The following SEC23IP variants were observed in gnomAD, a reference collection of about 807,000 sequenced individuals.
SEC23IP encodes the protein SEC23-interacting protein.
In SEC23IP, 70 loss-of-function variants were observed where a neutral mutation model predicts 113.4. That is an observed-to-expected ratio of 0.62 (90% CI 0.51 to 0.75). SEC23IP has a LOEUF of 0.75. SEC23IP is among the 30% of genes least tolerant of loss of function. The pLI, the probability that SEC23IP is intolerant of heterozygous loss-of-function variation, is 0.00. For synonymous variants in SEC23IP, 398 were observed against 421.0 expected (o/e 0.95, Z 0.67); for missense variants, 1,160 against 1,204.9 (o/e 0.96, Z 0.55).
chr10:119,937,603 A>G (rs1330623449), intron 18 of SEC23IP, among the ~76,000 whole-genome samples: 2 of 151,862 alleles, frequency 1.3e-5, no homozygotes, highest in African/African-American at 4.8e-5. Flanking sequence ...TCCCACCTGG[A>G]TGACAGAGCG....
Position 119,909,123 on chromosome 10 carries a change from A to G in SEC23IP, c.1184A>G (p.Asn395Ser). The G allele has an allele frequency of 1.2e-6, 2 of 1,603,528 alleles. No individual in the cohort carries two copies. The highest frequency in any genetic ancestry group is 2.2e-5 in the South Asian group (2 of 89,468). ...FPSGETIVMH[N>S]PKVIVQFQPS... ...AGTGGAGAGACAATTGTTATGCACAATCCAAAGGTAATGATGGTGTTCAAA... is the reference window on the plus strand; with the variant it reads ...AGTGGAGAGACAATTGTTATGCACAGTCCAAAGGTAATGATGGTGTTCAAA... Residue 395 changes from asparagine (N) to serine (S), a missense_variant, in exon 5 of 19, where the codon AAT (asparagine) becomes AGT (serine). By Grantham distance (46) the Asn-to-Ser change is conservative. Transcript: ENST00000369075.
chr10:119,912,296 C>T (rs929070789), intron 6 of SEC23IP, 132 bp downstream of exon 6: 1 of 951,678 alleles, frequency 1.1e-6, no homozygotes, highest in African/African-American at 1.7e-5. Context: ...CCACTCCCAG[C>T]TAATATTTCT....
Position 119,892,890 on chromosome 10 carries a change from C to T in SEC23IP, c.108C>T (p.Pro36=), listed in dbSNP as rs766062282. 2.5e-6 allele frequency: 4 copies of T among 1,613,704 alleles called. No individual in the cohort carries two copies. The highest frequency in any genetic ancestry group is 1.3e-5 in the African/African-American group (1 of 75,040). ...SSATEFSFNV[P]FIPVTQASAS... Reference sequence around the variant, plus strand: ...CCACGGAGTTCAGCTTCAATGTGCCCTTCATCCCAGTCACCCAGGCCTCCG... The same window carrying T: ...CCACGGAGTTCAGCTTCAATGTGCCTTTCATCCCAGTCACCCAGGCCTCCG... The change falls in exon 1 of 19, where the codon CCC becomes CCT. Residue 36 remains proline, a synonymous_variant. Coordinates refer to ENST00000369075, the MANE Select transcript of SEC23IP (RefSeq NM_007190.4).
chr10:119,907,647 C>T (rs1854720619), intron 4 of SEC23IP, among the ~76,000 whole-genome samples: 1 of 151,962 alleles, frequency 6.6e-6, no homozygotes, highest in Non-Finnish European at 1.5e-5. Context: ...ATTTAGAAAA[C>T]CACAACAATA....
chr10:119,935,415 T>A (rs1490301523), intron 18 of SEC23IP, among the ~76,000 whole-genome samples: 8 of 152,012 alleles, frequency 5.3e-5, no homozygotes, highest in African/African-American at 1.9e-4. Flanking sequence ...GAGCTGAGAT[T>A]GCGCCACTGC....
chr10:119,943,577 G>A lies in SEC23IP; in HGVS notation c.*3012G>A, dbSNP rs539387893. 7.2e-5 allele frequency: 11 copies of A among 152,112 alleles called. No homozygotes were observed. The highest frequency in any genetic ancestry group is 2.1e-4 in the South Asian group (1 of 4,820). 9.4% of individuals were successfully genotyped at this position (152,112 alleles called of 1,614,324 possible). ...TGCACTCTAGCCTGAGTGACAGAGC[G>A]AGACTCTGTCTCAAAAAAAAATAAA... On this transcript the variant is annotated 3_prime_UTR_variant, in exon 19 of 19. Coordinates refer to ENST00000369075, the MANE Select transcript of SEC23IP (RefSeq NM_007190.4).
chr10:119,918,811 A>G (rs997633200), intron 10 of SEC23IP, among the ~76,000 whole-genome samples: 6 of 152,140 alleles, frequency 3.9e-5, no homozygotes, highest in Non-Finnish European at 5.9e-5. Context: ...CTGGTTTTAC[A>G]TATTAAAGTA....
intron 6 of SEC23IP, 24 bp from the exon 7 acceptor site, chr10:119,914,706 A>T (rs1854989632): frequency 6.3e-7 from 1 of 1,587,298 alleles, no homozygotes; most frequent in Non-Finnish European, 8.6e-7. Context: ...TCTTTTATGT[A>T]GGTTTAAAAA....
chr10:119,916,498 G>C (rs74391500), intron 8 of SEC23IP, among the ~76,000 whole-genome samples: 1 of 152,160 alleles, frequency 6.6e-6, no homozygotes, highest in Non-Finnish European at 1.5e-5. Flanking sequence ...AGTGAACACC[G>C]TAATGTTTCA....
Position 119,931,587 on chromosome 10 carries a change from C to G in SEC23IP, c.2573-546C>G, listed in dbSNP as rs573130527. Among the ~76,000 whole-genome samples the G allele has an allele frequency of 2.8e-4, 42 of 148,460 alleles. 1 individual carries two copies. The South Asian group carries it at 8.5e-3, about 30-fold the overall frequency. The stretch of plus-strand genomic sequence containing the variant: ...TTTTTTTTTGAGTCGGAGTCTTGCT[C>G]TGTTGCCCAGGCTGGAGTGCAGTGG... On this transcript the variant is annotated intron_variant, in intron 15 of 18. Coordinates refer to ENST00000369075, the MANE Select transcript of SEC23IP (RefSeq NM_007190.4).
intron 1 of SEC23IP, among the ~76,000 whole-genome samples, chr10:119,894,671 G>C (rs935250269): frequency 2.0e-5 from 3 of 152,172 alleles, no homozygotes; most frequent in African/African-American, 4.8e-5. Context: ...GAACCAGCAT[G>C]GTTGGAGCAG....
intron 7 of SEC23IP, among the ~76,000 whole-genome samples, 200 bp downstream of exon 7, chr10:119,915,019 T>C (rs1301528957): frequency 1.3e-5 from 2 of 152,212 alleles, no homozygotes; most frequent in African/African-American, 4.8e-5. Flanking sequence ...AATCCCAGAC[T>C]GTGAGGAATT....
intron 1 of SEC23IP, 115 bp downstream of exon 1, chr10:119,893,060 C>G: frequency 4.2e-6 from 5 of 1,196,500 alleles, no homozygotes; most frequent in Non-Finnish European, 4.6e-6. Flanking sequence ...GATAGCTTGC[C>G]AGGATCATTA....
chr10:119,903,283 C>T (rs186834775), intron 3 of SEC23IP, among the ~76,000 whole-genome samples: 218 of 152,158 alleles, frequency 1.4e-3, no homozygotes, highest in African/African-American at 5.1e-3. Flanking sequence ...TTCTGTTTCC[C>T]TTGTTCATTT....
intron 6 of SEC23IP, among the ~76,000 whole-genome samples, chr10:119,914,130 A>G (rs892426424): frequency 3.9e-5 from 6 of 152,184 alleles, no homozygotes; most frequent in African/African-American, 1.4e-4. Context: ...ATTGCACTCT[A>G]TCCCGGGCGA....
At chr10:119,902,457 T>C (rs1043786455) in intron 2 of SEC23IP, among the ~76,000 whole-genome samples, 3 of 152,204 alleles carry the variant, frequency 2.0e-5, no homozygotes, top group African/African-American at 4.8e-5. Context: ...CACCTTGTAA[T>C]TGATTTTTTT....
chr10:119,926,475 T>G (rs968976747), intron 13 of SEC23IP, among the ~76,000 whole-genome samples: 1 of 152,240 alleles, frequency 6.6e-6, no homozygotes, highest in Non-Finnish European at 1.5e-5. Flanking sequence ...GCTCATACTT[T>G]TATAGCATCA....
intron 13 of SEC23IP, among the ~76,000 whole-genome samples, chr10:119,926,482 A>G (rs1327723816): frequency 6.6e-6 from 1 of 152,230 alleles, no homozygotes; most frequent in African/African-American, 2.4e-5. Context: ...CTTTTATAGC[A>G]TCAGTCTCTT....
chr10:119,896,973 A>G (rs1854303685), intron 1 of SEC23IP, among the ~76,000 whole-genome samples: 1 of 152,216 alleles, frequency 6.6e-6, no homozygotes, highest in Non-Finnish European at 1.5e-5. Flanking sequence ...CAAAAGGAGT[A>G]TTTTGAATGG....
Sources: gnomAD v4.1 joint callset for allele counts (sites outside exome capture counted in the v4.1 genomes callset) on GRCh38, gnomAD v4.1.1 for gene constraint, MANE v1.5 for transcripts, NCBI Gene and HGNC (gene_info 2026-07-23, HGNC 2026-07-21) for gene names.